The following APBA1 variants were observed in gnomAD, a reference collection of about 807,000 sequenced individuals.
The protein encoded by APBA1 is amyloid-beta A4 precursor protein-binding family A member 1.
A neutral mutation model predicts 86.6 loss-of-function variants in APBA1; 55 were observed. The observed-to-expected ratio is 0.64, with a 90% confidence interval of 0.51 to 0.80. The LOEUF (loss-of-function observed/expected upper bound fraction) is 0.80, where lower values mean the gene tolerates loss of function less well. Ranked by LOEUF, APBA1 falls within the 30% of genes least tolerant of loss-of-function variation. APBA1 has a pLI of 0.00. For synonymous variants in APBA1, 511 were observed against 493.9 expected (o/e 1.03, Z -0.46); for missense variants, 1,090 against 1,183.0 (o/e 0.92, Z 1.15).
chr9:69,592,410 A>T (rs1239779210), intron 1 of APBA1, among the ~76,000 whole-genome samples: 1 of 152,186 alleles, frequency 6.6e-6, no homozygotes, highest in Non-Finnish European at 1.5e-5. Flanking sequence ...AGCCTGGGTA[A>T]CATAGTGAGG....
chr9:69,448,239 C>T (rs1308713790), intron 10 of APBA1, among the ~76,000 whole-genome samples: 1 of 152,232 alleles, frequency 6.6e-6, no homozygotes, highest in Non-Finnish European at 1.5e-5. Context: ...AGCCTCTCAC[C>T]TTTATGTTGG....
chr9:69,432,771 C>T (rs1202043787), intron 11 of APBA1, 95 bp from the exon 12 acceptor site: 295 of 1,232,838 alleles, frequency 2.4e-4, no homozygotes, highest in Non-Finnish European at 3.1e-4. Flanking sequence ...CTACACTCTG[C>T]TCTTGGAGAA....
rs1834544073 is a variant in APBA1, at chr9:69,429,125, G to A, written c.*2202C>T. 1 of 152,172 alleles carries A rather than the reference G, an allele frequency of 6.6e-6. No homozygotes were observed. Among genetic ancestry groups the A allele is most frequent in the South Asian group, 2.1e-4 (1 of 4,812 alleles). The allele number at this position is 152,172 out of a possible 1,614,324, so 9.4% of individuals were successfully genotyped here. A position where few individuals can be genotyped will look rare whatever the true frequency, so the allele number is the denominator to read the frequency against. ...GGCGGGCCTCTGTGGCACTGCCCAG[G>A]TGCCTAGGGACAGACAGGCATGGGC... On this transcript the variant is annotated 3_prime_UTR_variant, in exon 13 of 13. Coordinates refer to ENST00000265381, the MANE Select transcript of APBA1 (RefSeq NM_001163.4).
chr9:69,487,966 C>A (rs1352639616), intron 2 of APBA1, among the ~76,000 whole-genome samples: 3 of 152,050 alleles, frequency 2.0e-5, no homozygotes, highest in African/African-American at 7.2e-5. Flanking sequence ...CAAATAATAG[C>A]AAATAAAGTG....
intron 1 of APBA1, among the ~76,000 whole-genome samples, chr9:69,665,897 G>A (rs917070802): frequency 5.3e-5 from 8 of 151,986 alleles, no homozygotes; most frequent in East Asian, 1.9e-4. Context: ...CACCATGCCC[G>A]GCTAATTCTT....
intron 1 of APBA1, among the ~76,000 whole-genome samples, chr9:69,616,307 G>C (rs2133985799): frequency 6.6e-6 from 1 of 152,262 alleles, no homozygotes; most frequent in South Asian, 2.1e-4. Flanking sequence ...GCTGTAACTG[G>C]ATAAATTCTT....
At chr9:69,496,053 A>C (rs1318059341) in intron 2 of APBA1, among the ~76,000 whole-genome samples, 1 of 152,108 alleles carries the variant, frequency 6.6e-6, no homozygotes, top group Non-Finnish European at 1.5e-5. Context: ...CATTGGGCTC[A>C]AGAGCTGGAC....
chr9:69,629,902 C>T (rs1047279507), intron 1 of APBA1, among the ~76,000 whole-genome samples: 5 of 152,116 alleles, frequency 3.3e-5, no homozygotes, highest in African/African-American at 1.2e-4. Flanking sequence ...GTCCTACTCC[C>T]GGCCACACAG....
intron 1 of APBA1, among the ~76,000 whole-genome samples, chr9:69,646,409 A>T (rs1191471803): frequency 6.6e-6 from 1 of 152,172 alleles, no homozygotes; most frequent in African/African-American, 2.4e-5. Context: ...GTTACTTTTC[A>T]TCTCTGTTGG....
intron 2 of APBA1, among the ~76,000 whole-genome samples, chr9:69,485,536 T>A (rs775143180): frequency 4.0e-5 from 6 of 150,444 alleles, no homozygotes; most frequent in East Asian, 2.0e-4. Flanking sequence ...GTCTGGAGAC[T>A]CACGCCTTCT....
intron 10 of APBA1, among the ~76,000 whole-genome samples, chr9:69,446,570 C>T (rs1246806828): frequency 1.3e-5 from 2 of 152,222 alleles, no homozygotes; most frequent in South Asian, 2.1e-4. Flanking sequence ...GTCTGTACTC[C>T]AGCAAGCTTT....
intron 3 of APBA1, among the ~76,000 whole-genome samples, chr9:69,474,888 CAG>C (rs1008070594): frequency 6.6e-6 from 1 of 152,160 alleles, no homozygotes; most frequent in Non-Finnish European, 1.5e-5. Context: ...TCAGTTTAAA[CAG>C]AGATTTCTTT....
chr9:69,658,306 CTTTCTTTCTT>C (rs749175508), intron 1 of APBA1, among the ~76,000 whole-genome samples: 1,231 of 70,756 alleles, frequency 0.017, 36 homozygotes, highest in East Asian at 0.036. Context: ...CTCTCTCTCT[CTTTCTTTCTT>C]TCTTTCTTTC....
intron 11 of APBA1, 27 bp from the exon 12 acceptor site, chr9:69,432,703 C>A: frequency 6.6e-7 from 1 of 1,523,520 alleles, no homozygotes; most frequent in Non-Finnish European, 8.8e-7. Flanking sequence ...CAGAGTTACC[C>A]TCATTGCAGA....
At chr9:69,515,578 T>C (rs1836122452) in intron 2 of APBA1, among the ~76,000 whole-genome samples, 1 of 151,576 alleles carries the variant, frequency 6.6e-6, no homozygotes, top group Non-Finnish European at 1.5e-5. Context: ...TTCTCCCCTT[T>C]GCAATAATCC....
chr9:69,454,073 A>G (rs901993796), intron 8 of APBA1, among the ~76,000 whole-genome samples: 1 of 152,194 alleles, frequency 6.6e-6, no homozygotes, highest in Admixed American at 6.5e-5. Context: ...GAAAATCTCT[A>G]GAGCGGTGTT....
chr9:69,566,749 GTCT>G (rs1209754050), intron 1 of APBA1, among the ~76,000 whole-genome samples: 2 of 152,058 alleles, frequency 1.3e-5, no homozygotes, highest in African/African-American at 4.8e-5. Flanking sequence ...TCCCCGAGGC[GTCT>G]TCAATGCTGG....
At chr9:69,467,267 T>C (rs1300242759) in intron 5 of APBA1, among the ~76,000 whole-genome samples, 2 of 152,226 alleles carry the variant, frequency 1.3e-5, no homozygotes, top group Non-Finnish European at 2.9e-5. Context: ...TCTTGATTAA[T>C]GAGATTCAAA....
At chr9:69,620,815 G>A (rs897273924) in intron 1 of APBA1, among the ~76,000 whole-genome samples, 1 of 152,214 alleles carries the variant, frequency 6.6e-6, no homozygotes, top group Non-Finnish European at 1.5e-5. Flanking sequence ...GCATGGAGAT[G>A]CCATGGAGGG....
Sources: allele counts gnomAD v4.1 joint callset (sites outside exome capture counted in the v4.1 genomes callset), GRCh38; gene constraint gnomAD v4.1.1; transcripts MANE v1.5; gene names NCBI Gene and HGNC (gene_info 2026-07-23, HGNC 2026-07-21).